The following IL1RAPL1 variants were observed in gnomAD, a reference collection of about 807,000 sequenced individuals.
IL1RAPL1 encodes the protein interleukin 1 receptor accessory protein like 1.
In IL1RAPL1, 3 loss-of-function variants were observed where a neutral mutation model predicts 48.4. That is an observed-to-expected ratio of 0.06 (90% CI 0.03 to 0.16). IL1RAPL1 has a LOEUF of 0.16. IL1RAPL1 is among the 10% of genes least tolerant of loss of function. The pLI, the probability that IL1RAPL1 is intolerant of heterozygous loss-of-function variation, is 1.00. For synonymous variants in IL1RAPL1, 185 were observed against 187.7 expected (o/e 0.99, Z 0.12); for missense variants, 349 against 530.6 (o/e 0.66, Z 3.36).
intron 3 of IL1RAPL1, among the ~76,000 whole-genome samples, chrX:29,395,684 G>A (rs755164325): frequency 8.9e-6 from 1 of 111,781 alleles, no homozygotes; most frequent in South Asian, 3.8e-4. Flanking sequence ...GATAAAGATA[G>A]TAACTTTGCA....
chrX:29,038,459 G>C (rs907668313), intron 2 of IL1RAPL1, among the ~76,000 whole-genome samples: 3 of 111,560 alleles, frequency 2.7e-5, no homozygotes, highest in Admixed American at 9.5e-5. Context: ...CATGAAATGA[G>C]TATGTGTTTA....
In IL1RAPL1 at chrX:28,789,363, A is replaced by G; in HGVS notation, c.20A>G (p.His7Arg). Residue 7 changes from histidine to arginine, a missense_variant, in exon 2 of 11, where the codon CAC (histidine) becomes CGC (arginine). His to Arg is a conservative substitution (Grantham distance 29). This residue lies in a region of IL1RAPL1 where 238 missense variants were observed against 337.8 expected (regional missense o/e 0.70). Transcript: ENST00000378993. ...TGGAAGATGAAAGCTCCGATTCCAC[A>G]CTTGATTCTCTTATACGCTACTTTT... MKAPIP[H>R]LILLYATFTQ... 8.3e-7 allele frequency: 1 copy of G among 1,209,548 alleles called. No homozygotes were observed. The highest frequency in any genetic ancestry group is 1.8e-5 in the South Asian group (1 of 56,965).
chrX:29,267,886 T>C (rs1184088750), intron 2 of IL1RAPL1, among the ~76,000 whole-genome samples: 1 of 111,803 alleles, frequency 8.9e-6, no homozygotes, highest in Non-Finnish European at 1.9e-5. Flanking sequence ...TGAGGCTTTG[T>C]TACTAAGCCA....
At chrX:28,980,885 T>C (rs1387926668) in intron 2 of IL1RAPL1, among the ~76,000 whole-genome samples, 1 of 107,107 alleles carries the variant, frequency 9.3e-6, no homozygotes, top group Non-Finnish European at 1.9e-5. Context: ...GCGCAAGAGT[T>C]TGAGTCCAGT....
At chrX:28,953,826 G>A (rs897224479) in intron 2 of IL1RAPL1, among the ~76,000 whole-genome samples, 24 of 110,487 alleles carry the variant, frequency 2.2e-4, no homozygotes, top group African/African-American at 7.9e-4. Flanking sequence ...CTTTAAAATG[G>A]CATCCTACAA....
intron 9 of IL1RAPL1, among the ~76,000 whole-genome samples, chrX:29,943,525 CTAT>C (rs1933168000): frequency 8.9e-6 from 1 of 111,990 alleles, no homozygotes. Flanking sequence ...CGGATACTCT[CTAT>C]TATTTGTATT....
At chrX:29,616,429 T>C (rs1374510167) in intron 5 of IL1RAPL1, among the ~76,000 whole-genome samples, 1 of 108,622 alleles carries the variant, frequency 9.2e-6, no homozygotes, top group Non-Finnish European at 1.9e-5. Flanking sequence ...GCTGCACCCA[T>C]TAACTCGTCA....
At chrX:28,749,840 C>A (rs1238645057) in intron 1 of IL1RAPL1, among the ~76,000 whole-genome samples, 1 of 108,890 alleles carries the variant, frequency 9.2e-6, no homozygotes, top group Non-Finnish European at 1.9e-5. Context: ...TGTTGTGAAT[C>A]ATTTCCCCTA....
intron 2 of IL1RAPL1, among the ~76,000 whole-genome samples, chrX:28,794,591 A>C (rs1936589028): frequency 9.0e-6 from 1 of 111,711 alleles, no homozygotes; most frequent in Non-Finnish European, 1.9e-5. Context: ...TAGAGAGTAA[A>C]AGGGTTACCA....
intron 5 of IL1RAPL1, among the ~76,000 whole-genome samples, chrX:29,608,249 G>GA (rs1472649498): frequency 2.7e-5 from 3 of 111,770 alleles, no homozygotes; most frequent in Admixed American, 1.9e-4. Context: ...TGCAAAAGTA[G>GA]AAGCTTCCAG....
chrX:29,447,114 A>T (rs1304762358), intron 5 of IL1RAPL1, among the ~76,000 whole-genome samples: 3 of 111,184 alleles, frequency 2.7e-5, no homozygotes, highest in African/African-American at 9.8e-5. Flanking sequence ...ATCCTTGTGC[A>T]TATTTGCTAT....
intron 2 of IL1RAPL1, among the ~76,000 whole-genome samples, chrX:28,874,077 GAGA>G: frequency 9.0e-6 from 1 of 111,048 alleles, no homozygotes; most frequent in South Asian, 3.9e-4. Context: ...ACATTTGAGG[GAGA>G]AGAACTCAAT....
intron 2 of IL1RAPL1, among the ~76,000 whole-genome samples, chrX:29,032,109 T>G (rs1926631854): frequency 8.9e-6 from 1 of 111,766 alleles, no homozygotes; most frequent in South Asian, 3.7e-4. Context: ...TTCTCACTCA[T>G]CATATCATGT....
At chrX:29,176,318 A>T (rs2147516991) in intron 2 of IL1RAPL1, among the ~76,000 whole-genome samples, 1 of 101,395 alleles carries the variant, frequency 9.9e-6, no homozygotes, top group Non-Finnish European at 2.0e-5. Context: ...GTTAGCCAGG[A>T]TGGTCTCAAT....
At chrX:29,605,403 A>G (rs1270066715) in intron 5 of IL1RAPL1, among the ~76,000 whole-genome samples, 1 of 111,502 alleles carries the variant, frequency 9.0e-6, no homozygotes, top group African/African-American at 3.3e-5. Flanking sequence ...TACATGGACT[A>G]TATACTGTTA....
At chrX:29,033,903 C>A (rs370538724) in intron 2 of IL1RAPL1, among the ~76,000 whole-genome samples, 2 of 109,279 alleles carry the variant, frequency 1.8e-5, no homozygotes, top group African/African-American at 6.7e-5. Flanking sequence ...AAATGGGACA[C>A]ACACACACAC....
chrX:29,512,694 T>G (rs1935405893), intron 5 of IL1RAPL1, among the ~76,000 whole-genome samples: 1 of 112,149 alleles, frequency 8.9e-6, no homozygotes, highest in Non-Finnish European at 1.9e-5. Flanking sequence ...GAACAAGTGT[T>G]ATTTGTTACT....
intron 6 of IL1RAPL1, among the ~76,000 whole-genome samples, chrX:29,896,369 C>G (rs1932383566): frequency 1.9e-5 from 2 of 107,491 alleles, no homozygotes; most frequent in Non-Finnish European, 3.8e-5. Context: ...GGGGAGAAGA[C>G]AGTGATAACT....
chrX:29,559,536 T>G (rs1361248699), intron 5 of IL1RAPL1, among the ~76,000 whole-genome samples: 1 of 112,032 alleles, frequency 8.9e-6, no homozygotes, highest in Non-Finnish European at 1.9e-5. Context: ...ATTCTGTATT[T>G]CTTAATGATT....
Sources: allele counts gnomAD v4.1 joint callset (sites outside exome capture counted in the v4.1 genomes callset), GRCh38; gene constraint gnomAD v4.1.1; regional missense constraint gnomAD v4.1.1; transcripts MANE v1.5; gene names NCBI Gene and HGNC (gene_info 2026-07-23, HGNC 2026-07-21).